The following NCOR1 variants were observed in gnomAD, a reference collection of about 807,000 sequenced individuals.
The protein encoded by NCOR1 is nuclear receptor corepressor 1.
Under a neutral mutation model 288.1 loss-of-function variants are expected in NCOR1, and 63 were observed. The ratio of observed to expected loss-of-function variants is 0.22; its 90% confidence interval spans 0.18 to 0.27. NCOR1 has a LOEUF of 0.27. Among genes scored for constraint, NCOR1 ranks in the 10% least tolerant of loss-of-function variants. The pLI is 1.00. For synonymous variants in NCOR1, 1,007 were observed against 1,065.9 expected (o/e 0.94, Z 1.08); for missense variants, 2,397 against 3,019.2 (o/e 0.79, Z 4.83).
At chr17:16,164,669 T>C (rs541034393) in intron 5 of NCOR1, among the ~76,000 whole-genome samples, 2 of 152,136 alleles carry the variant, frequency 1.3e-5, no homozygotes, top group African/African-American at 4.8e-5. Context: ...GCACTGCCAT[T>C]CCTGGGCACA....
intron 45 of NCOR1, 61 bp downstream of exon 45, chr17:16,034,702 TAA>T: frequency 7.1e-7 from 1 of 1,417,894 alleles, no homozygotes; most frequent in Non-Finnish European, 9.7e-7. Flanking sequence ...TTTGAAGAAC[TAA>T]TAACCAAGAC....
chr17:16,047,608 C>A (rs898541981), intron 41 of NCOR1, among the ~76,000 whole-genome samples: 1 of 152,140 alleles, frequency 6.6e-6, no homozygotes, highest in Non-Finnish European at 1.5e-5. Flanking sequence ...CTATTTGTTA[C>A]AATCATTTCA....
intron 22 of NCOR1, among the ~76,000 whole-genome samples, chr17:16,089,444 G>C (rs1335244765): frequency 6.6e-6 from 1 of 151,910 alleles, no homozygotes; most frequent in African/African-American, 2.4e-5. Flanking sequence ...AATTCTCTAA[G>C]GTTTTTTTTC....
In NCOR1 at chr17:16,029,404, C is replaced by T. The variant is rs1971757788; in HGVS notation, c.*2892G>A. 3.1e-6 allele frequency: 1 copy of T among 323,242 alleles called. No individual in the cohort carries two copies. Among genetic ancestry groups the T allele is most frequent in the Non-Finnish European group, 6.1e-6 (1 of 164,782 alleles). The allele number at this position is 323,242 out of a possible 1,614,324, so 20.0% of individuals were successfully genotyped here. On this transcript the variant is annotated 3_prime_UTR_variant, in exon 46 of 46. Coordinates refer to ENST00000268712, the MANE Select transcript of NCOR1 (RefSeq NM_006311.4). ...CGTGTCATTAAAATTTTTTAACTGT[C>T]CAATGGTCACTGGAGTTTTCTGGGC...
intron 3 of NCOR1, among the ~76,000 whole-genome samples, chr17:16,179,281 G>A (rs1405865937): frequency 2.0e-5 from 3 of 151,880 alleles, no homozygotes; most frequent in Admixed American, 6.6e-5. Flanking sequence ...AAATGAAAAC[G>A]AAGAAATTAC....
At chr17:16,126,763 A>G (rs1374554185) in intron 14 of NCOR1, among the ~76,000 whole-genome samples, 4 of 152,224 alleles carry the variant, frequency 2.6e-5, no homozygotes, top group South Asian at 2.1e-4. Flanking sequence ...AAATGCTTAA[A>G]TATTTCTAAG....
intron 18 of NCOR1, among the ~76,000 whole-genome samples, chr17:16,111,166 G>A (rs1023902078): frequency 2.6e-5 from 4 of 152,140 alleles, no homozygotes; most frequent in African/African-American, 9.7e-5. Flanking sequence ...AGTAACTAGG[G>A]AAGAGACAAC....
intron 22 of NCOR1, among the ~76,000 whole-genome samples, chr17:16,088,563 T>C (rs1222643612): frequency 5.9e-5 from 9 of 152,214 alleles, no homozygotes; most frequent in African/African-American, 2.2e-4. Context: ...TCCCTTCAAA[T>C]ACCTAAACCT....
chr17:16,142,536 ATG>A, intron 11 of NCOR1, among the ~76,000 whole-genome samples: 1 of 152,296 alleles, frequency 6.6e-6, no homozygotes, highest in East Asian at 1.9e-4. Context: ...AAAAGATTCA[ATG>A]TTAGAAATGG....
At chr17:16,126,488 T>G (rs911030794) in intron 14 of NCOR1, among the ~76,000 whole-genome samples, 1 of 152,154 alleles carries the variant, frequency 6.6e-6, no homozygotes, top group Non-Finnish European at 1.5e-5. Flanking sequence ...GTTCCCTTTT[T>G]TGGCAACCTC....
chr17:16,124,432 C>T (rs570626133), intron 15 of NCOR1, among the ~76,000 whole-genome samples: 2 of 152,252 alleles, frequency 1.3e-5, no homozygotes, highest in South Asian at 2.1e-4. Flanking sequence ...ATATGGGAAC[C>T]GTTTGGGGTG....
chr17:16,089,491 TA>T (rs1221488381), intron 22 of NCOR1, among the ~76,000 whole-genome samples: 1 of 152,106 alleles, frequency 6.6e-6, no homozygotes, highest in African/African-American at 2.4e-5. Flanking sequence ...TTAAGCAACT[TA>T]AAACAGGCAT....
Position 16,215,432 on chromosome 17 carries a change from G to C in NCOR1, c.-141C>G. 2.5e-6 allele frequency: 1 copy of C among 397,018 alleles called. No individual in the cohort carries two copies. The highest frequency in any genetic ancestry group is 4.4e-6 in the Non-Finnish European group (1 of 224,956). 24.6% of individuals were successfully genotyped at this position (397,018 alleles called of 1,614,324 possible). A position where few individuals can be genotyped will look rare whatever the true frequency, so the allele number is the denominator to read the frequency against. ...GAGTGGGACGCGGCCACGGCGCGCG[G>C]CCCTACACCGGGACCTCGTTCGGCG... On this transcript the variant is annotated 5_prime_UTR_variant, in exon 1 of 46. Transcript: ENST00000268712.
chr17:16,034,665 G>C, intron 45 of NCOR1, 100 bp downstream of exon 45: 1 of 1,087,758 alleles, frequency 9.2e-7, no homozygotes, highest in Non-Finnish European at 1.3e-6. Context: ...GGGAATATAG[G>C]TTTCCAAATT....
chr17:16,046,912 C>T lies in NCOR1; in HGVS notation c.6679+39G>A, dbSNP rs752502618. On this transcript the variant is annotated intron_variant, in intron 42 of 45. Transcript: ENST00000268712. ...AACACTGGAGATATCATTATTAATG[C>T]ATGTTTTATTTGGGGTTCATGAAAG... The T allele has an allele frequency of 4.4e-6, 7 of 1,607,236 alleles. No individual in the cohort carries two copies. In the Admixed American group the frequency reaches 5.1e-5, roughly 12 times the overall value.
At chr17:16,151,168 GAAT>G (rs1226007591) in intron 8 of NCOR1, among the ~76,000 whole-genome samples, 1 of 150,640 alleles carries the variant, frequency 6.6e-6, no homozygotes, top group African/African-American at 2.4e-5. Context: ...CACAAACTAA[GAAT>G]AATGCACCTA....
At chr17:16,139,459 A>G (rs1236434026) in intron 11 of NCOR1, among the ~76,000 whole-genome samples, 1 of 152,222 alleles carries the variant, frequency 6.6e-6, no homozygotes, top group Admixed American at 6.5e-5. Context: ...GATACTTAAC[A>G]TAATAAAATT....
At chr17:16,101,783 T>C (rs749361146) in intron 19 of NCOR1, 26 bp from the exon 20 acceptor site, 2 of 1,613,602 alleles carry the variant, frequency 1.2e-6, no homozygotes, top group Non-Finnish European at 1.7e-6. Context: ...GAGCACTTTC[T>C]GTATCAGAAC....
At chr17:16,043,470 CTG>C (rs1438960688) in intron 42 of NCOR1, among the ~76,000 whole-genome samples, 1 of 152,192 alleles carries the variant, frequency 6.6e-6, no homozygotes, top group Non-Finnish European at 1.5e-5. Flanking sequence ...TAATTATCTC[CTG>C]TTAAAGTTAG....
Sources: allele counts gnomAD v4.1 joint callset (sites outside exome capture counted in the v4.1 genomes callset), GRCh38; gene constraint gnomAD v4.1.1; transcripts MANE v1.5; gene names NCBI Gene and HGNC (gene_info 2026-07-23, HGNC 2026-07-21).